The following CPLX2 variants were observed in gnomAD, a reference collection of about 807,000 sequenced individuals.
CPLX2 encodes complexin-2.
CPLX2 carries 5 observed loss-of-function variants against 16.3 expected under a neutral mutation model. That is an observed-to-expected ratio of 0.31 (90% confidence interval 0.16 to 0.64). The LOEUF (loss-of-function observed/expected upper bound fraction) is 0.64, where lower values mean the gene tolerates loss of function less well. Ranked by LOEUF, CPLX2 falls within the 30% of genes least tolerant of loss-of-function variation. The pLI, the probability that CPLX2 is intolerant of heterozygous loss-of-function variation, is 0.79. For missense variants in CPLX2, 144 were observed against 181.4 expected, an observed-to-expected ratio of 0.79 and a Z score of 1.18; for synonymous variants, 89 against 73.2, an observed-to-expected ratio of 1.22 and a Z score of -1.10.
chr5:175,807,274 T>A (rs915637271), intron 1 of CPLX2, among the ~76,000 whole-genome samples: 1 of 152,234 alleles, frequency 6.6e-6, no homozygotes, highest in African/African-American at 2.4e-5. Flanking sequence ...TCTTCATTCA[T>A]GGAACAAAAG....
At chr5:175,879,802 C>T (rs1212671999) in intron 3 of CPLX2, 46 bp from the exon 4 acceptor site, 1 of 1,561,918 alleles carries the variant, frequency 6.4e-7, no homozygotes, top group African/African-American at 1.3e-5. Flanking sequence ...CTGCTGTCTC[C>T]TTGCCCACCC....
chr5:175,871,451 G>C (rs868827365), upstream of CPLX2: 1 of 119,400 alleles, frequency 8.4e-6, no homozygotes, highest in Non-Finnish European at 1.7e-5. Context: ...GAGAGAGAGA[G>C]AGAGAGAGAG....
chr5:175,823,863 C>A (rs945262189), intron 2 of CPLX2, among the ~76,000 whole-genome samples: 1 of 152,358 alleles, frequency 6.6e-6, no homozygotes, highest in African/African-American at 2.4e-5. Flanking sequence ...AAGGGAGCAG[C>A]TGCCTGGGAG....
rs1351380700 is a variant in CPLX2, at chr5:175,849,150, G to A, written c.-88-29502G>A. ...TGTGTTTTTAACACCAGCCAGTGCT[G>A]CCGTGTGTGCAGGACCGATGTCCAC... On this transcript the variant is annotated intron_variant, in intron 2 of 4. Transcript: ENST00000359546. This position sits in a 1 kb window ranked among gnomAD's most constrained non-coding sequence, Gnocchi z 4.4. Among the ~76,000 whole-genome samples the A allele has an allele frequency of 2.0e-5, 3 of 152,206 alleles. No homozygotes were observed. Among genetic ancestry groups the A allele is most frequent in the Non-Finnish European group, 4.4e-5 (3 of 68,036 alleles).
At chr5:175,826,810 G>T (rs1021820015) in intron 2 of CPLX2, among the ~76,000 whole-genome samples, 1 of 152,188 alleles carries the variant, frequency 6.6e-6, no homozygotes, top group African/African-American at 2.4e-5. Flanking sequence ...CTTACTACTT[G>T]TATTCTTGAG....
intron 1 of CPLX2, 179 bp from the exon 2 acceptor site, chr5:175,878,473 G>A: frequency 1.8e-6 from 1 of 565,882 alleles, no homozygotes; most frequent in Non-Finnish European, 3.1e-6. Flanking sequence ...CAGCACCTAC[G>A]TGTCTGCCCA....
chr5:175,829,981 T>A (rs1400140547), intron 2 of CPLX2, among the ~76,000 whole-genome samples: 1 of 152,166 alleles, frequency 6.6e-6, no homozygotes, highest in East Asian at 1.9e-4. Context: ...TTCTGCACCA[T>A]CAGAGCCGCT....
At chr5:175,836,527 T>C (rs1758844638) in intron 2 of CPLX2, among the ~76,000 whole-genome samples, 1 of 152,134 alleles carries the variant, frequency 6.6e-6, no homozygotes, top group African/African-American at 2.4e-5. Flanking sequence ...GGTTGTCCCA[T>C]TGTCTCAGGC....
At chr5:175,844,847 C>T (rs1177040621) in intron 2 of CPLX2, among the ~76,000 whole-genome samples, 2 of 152,220 alleles carry the variant, frequency 1.3e-5, no homozygotes, top group Non-Finnish European at 2.9e-5. Flanking sequence ...CCAAACAGCA[C>T]GTTTGTAAAC....
rs969331532 is a variant in CPLX2 at position 175,872,447 on chromosome 5, G to A, written c.-89+742G>A. The stretch of plus-strand genomic sequence containing the variant: ...GAAACCGGGCCGGGTCTTGGGGTTG[G>A]AGCTATGTGTGTTGGGGGAAGGGGC... On this transcript the variant is annotated intron_variant, in intron 1 of 3. Transcript: ENST00000393745. This position sits in a 1 kb window ranked among gnomAD's most constrained non-coding sequence, Gnocchi z 5.0. Among the ~76,000 whole-genome samples, 2 of 152,158 alleles carry A rather than the reference G, an allele frequency of 1.3e-5. No individual in the cohort carries two copies. Among genetic ancestry groups the A allele is most frequent in the African/African-American group, 4.8e-5 (2 of 41,426 alleles).
rs927258084 is a variant in CPLX2 at position 175,880,115 on chromosome 5, G to C, written c.*70G>C. The C allele has an allele frequency of 6.6e-7, 1 of 1,510,680 alleles. No homozygotes were observed. The highest frequency in any genetic ancestry group is 9.0e-7 in the Non-Finnish European group (1 of 1,108,550). The allele number at this position is 1,510,680 out of a possible 1,614,324, so 93.6% of individuals were successfully genotyped here. A position where few individuals can be genotyped will look rare whatever the true frequency, so the allele number is the denominator to read the frequency against. On this transcript the variant is annotated 3_prime_UTR_variant, in exon 4 of 4. Transcript: ENST00000393745. ...TTGGTTCTTTCTTTTCTTTTTATTA[G>C]GTTAAGTCTCAATTCTGAAGGGGAA... is the stretch of plus-strand genomic sequence containing the variant.
intron 1 of CPLX2, among the ~76,000 whole-genome samples, chr5:175,875,609 G>C (rs1759739426): frequency 1.3e-5 from 2 of 152,180 alleles, no homozygotes; most frequent in Admixed American, 1.3e-4. Flanking sequence ...TTCAAGATCT[G>C]AGTCAGGCAT....
intron 2 of CPLX2, among the ~76,000 whole-genome samples, chr5:175,819,480 C>T (rs1758469204): frequency 6.6e-6 from 1 of 152,184 alleles, no homozygotes; most frequent in Non-Finnish European, 1.5e-5. Context: ...TTTTTATTTC[C>T]CCAAAGACGA....
chr5:175,860,294 C>A (rs1449502877), intron 2 of CPLX2, among the ~76,000 whole-genome samples: 1 of 151,982 alleles, frequency 6.6e-6, no homozygotes, highest in African/African-American at 2.4e-5. Context: ...AGTTCAAGAC[C>A]AGCCTGTAGC....
At chr5:175,862,665 G>C (rs1220101533) in intron 2 of CPLX2, among the ~76,000 whole-genome samples, 1 of 152,230 alleles carries the variant, frequency 6.6e-6, no homozygotes, top group Non-Finnish European at 1.5e-5. Flanking sequence ...GGCATTAAAG[G>C]ATTTGTATTA....
At chr5:175,844,447 T>G (rs1179132057) in intron 2 of CPLX2, among the ~76,000 whole-genome samples, 1 of 152,224 alleles carries the variant, frequency 6.6e-6, no homozygotes, top group Non-Finnish European at 1.5e-5. Context: ...GCCTGCTCTC[T>G]TGAGGCTTCT....
chr5:175,806,644 C>A (rs1244882925), intron 1 of CPLX2, among the ~76,000 whole-genome samples: 1 of 146,714 alleles, frequency 6.8e-6, no homozygotes, highest in Admixed American at 6.9e-5. Flanking sequence ...GCATGTGTCA[C>A]CACGCCCGGT....
intron 2 of CPLX2, among the ~76,000 whole-genome samples, chr5:175,853,785 C>T (rs774626302): frequency 6.6e-6 from 1 of 152,144 alleles, no homozygotes; most frequent in Non-Finnish European, 1.5e-5. Flanking sequence ...GGGCCTCTGA[C>T]GACTGAGGGC....
intron 2 of CPLX2, among the ~76,000 whole-genome samples, chr5:175,813,498 A>G (rs1183005943): frequency 3.3e-5 from 5 of 152,230 alleles, no homozygotes; most frequent in African/African-American, 7.2e-5. Flanking sequence ...AAAACAAAAC[A>G]AAACAAAAAC....
Sources: allele counts gnomAD v4.1 joint callset (sites outside exome capture counted in the v4.1 genomes callset), GRCh38; gene constraint gnomAD v4.1.1; non-coding constraint Gnocchi (gnomAD v3.1); transcripts MANE v1.5; gene names NCBI Gene and HGNC (gene_info 2026-07-23, HGNC 2026-07-21).